The following PBX3 variants were observed in gnomAD, a reference collection of about 807,000 sequenced individuals.
The protein encoded by PBX3 is pre-B-cell leukemia transcription factor 3.
In PBX3, 14 loss-of-function variants were observed where a neutral mutation model predicts 48.5. That is an observed-to-expected ratio of 0.29 (90% CI 0.19 to 0.45). The LOEUF (loss-of-function observed/expected upper bound fraction) is 0.45, where lower values mean the gene tolerates loss of function less well. PBX3 is among the 20% of genes least tolerant of loss of function. The pLI, the probability that PBX3 is intolerant of heterozygous loss-of-function variation, is 1.00. For synonymous variants in PBX3, 210 were observed against 200.3 expected (o/e 1.05, Z -0.41); for missense variants, 386 against 546.7 (o/e 0.71, Z 2.93).
intron 2 of PBX3, among the ~76,000 whole-genome samples, chr9:125,912,288 G>A (rs1031211805): frequency 1.3e-5 from 2 of 152,090 alleles, no homozygotes; most frequent in Admixed American, 6.5e-5. Flanking sequence ...AAACAGCCCC[G>A]TAATCATACC....
Position 125,759,807 on chromosome 9 carries a change from T to C in PBX3, c.274+11184T>C, listed in dbSNP as rs1439603078. ...CTCCAGCAATATTTTAGCAGGTTAA[T>C]TGCAAAATTTCTAAATTGTACATCT... is the stretch of plus-strand genomic sequence containing the variant. On this transcript the variant is annotated intron_variant, in intron 2 of 8. Coordinates refer to ENST00000373489, the MANE Select transcript of PBX3 (RefSeq NM_006195.6). The surrounding 1 kb of genome is among the most constrained non-coding windows in gnomAD (Gnocchi z 4.2). Among the ~76,000 whole-genome samples, 2 of 152,214 alleles carry C rather than the reference T, an allele frequency of 1.3e-5. No individual in the cohort carries two copies. The highest frequency in any genetic ancestry group is 2.9e-5 in the Non-Finnish European group (2 of 68,030).
intron 2 of PBX3, among the ~76,000 whole-genome samples, chr9:125,781,374 G>C (rs1434666027): frequency 6.6e-6 from 1 of 151,832 alleles, no homozygotes; most frequent in Non-Finnish European, 1.5e-5. Flanking sequence ...ACGAAAACCA[G>C]TCAGGCGTGG....
At chr9:125,767,182 C>T (rs757672076) in intron 2 of PBX3, among the ~76,000 whole-genome samples, 2 of 152,108 alleles carry the variant, frequency 1.3e-5, no homozygotes, top group African/African-American at 2.4e-5. Context: ...AATGGAAAGC[C>T]ATTGGAAGTA....
intron 2 of PBX3, among the ~76,000 whole-genome samples, chr9:125,837,065 A>G (rs1164817607): frequency 1.3e-5 from 2 of 152,200 alleles, no homozygotes; most frequent in African/African-American, 4.8e-5. Flanking sequence ...TGTAAGAAAT[A>G]TATGTGTTCA....
chr9:125,843,121 C>T (rs1839331243), intron 2 of PBX3, among the ~76,000 whole-genome samples: 1 of 151,988 alleles, frequency 6.6e-6, no homozygotes, highest in African/African-American at 2.4e-5. Flanking sequence ...ATACAGGTCT[C>T]CCTAAAATAT....
intron 5 of PBX3, among the ~76,000 whole-genome samples, chr9:125,954,158 T>C (rs1343774891): frequency 6.6e-6 from 1 of 152,196 alleles, no homozygotes; most frequent in African/African-American, 2.4e-5. Context: ...TTATGAAATA[T>C]TGGTGATAAC....
intron 2 of PBX3, among the ~76,000 whole-genome samples, chr9:125,836,059 A>C (rs1004127015): frequency 6.6e-6 from 1 of 152,248 alleles, no homozygotes; most frequent in Non-Finnish European, 1.5e-5. Context: ...TTGTAACAAC[A>C]TGGATGGAAC....
chr9:125,748,291 G>C, intron 1 of PBX3: 2 of 1,103,506 alleles, frequency 1.8e-6, no homozygotes, highest in Non-Finnish European at 2.2e-6. Flanking sequence ...CCCCGCGCGG[G>C]TTCGCGTCGC....
chr9:125,833,501 A>C (rs986762940), intron 2 of PBX3, among the ~76,000 whole-genome samples: 1 of 151,932 alleles, frequency 6.6e-6, no homozygotes, highest in Non-Finnish European at 1.5e-5. Flanking sequence ...AAAAAAAAAA[A>C]TTGTTTTATT....
At chr9:125,776,650 C>G (rs1253300106) in intron 2 of PBX3, among the ~76,000 whole-genome samples, 1 of 152,162 alleles carries the variant, frequency 6.6e-6, no homozygotes, top group East Asian at 1.9e-4. Context: ...GTTCTCCCAC[C>G]TCAGCTTCCC....
intron 2 of PBX3, among the ~76,000 whole-genome samples, chr9:125,873,637 C>G (rs1456355705): frequency 6.6e-6 from 1 of 152,056 alleles, no homozygotes; most frequent in African/African-American, 2.4e-5. Flanking sequence ...AATTCTTTAA[C>G]TGATTAAAAA....
intron 3 of PBX3, among the ~76,000 whole-genome samples, chr9:125,918,070 T>A (rs932706345): frequency 6.6e-6 from 1 of 152,180 alleles, no homozygotes; most frequent in Non-Finnish European, 1.5e-5. Flanking sequence ...CTAAAATAAC[T>A]ATAACTACTT....
chr9:125,920,499 A>G (rs1337713869), intron 3 of PBX3, among the ~76,000 whole-genome samples: 1 of 152,168 alleles, frequency 6.6e-6, no homozygotes, highest in Non-Finnish European at 1.5e-5. Context: ...TGACTTCAAC[A>G]TTTGTTCTCA....
intron 2 of PBX3, among the ~76,000 whole-genome samples, chr9:125,773,301 C>T (rs1419844352): frequency 2.0e-5 from 3 of 152,152 alleles, no homozygotes; most frequent in Admixed American, 6.5e-5. Context: ...TGTGTCCCTT[C>T]GTTCACTTGG....
intron 2 of PBX3, among the ~76,000 whole-genome samples, chr9:125,794,519 A>G (rs1486666633): frequency 6.6e-6 from 1 of 152,124 alleles, no homozygotes; most frequent in Non-Finnish European, 1.5e-5. Flanking sequence ...ATGATGCCCT[A>G]TATGGTACCA....
At chr9:125,938,830 A>G (rs1841895262) in intron 5 of PBX3, among the ~76,000 whole-genome samples, 2 of 152,212 alleles carry the variant, frequency 1.3e-5, no homozygotes, top group Admixed American at 1.3e-4. Flanking sequence ...ATTTACTGAA[A>G]TAAATTGTAA....
intron 5 of PBX3, among the ~76,000 whole-genome samples, chr9:125,944,083 T>C (rs1488034038): frequency 6.6e-6 from 1 of 152,148 alleles, no homozygotes; most frequent in Non-Finnish European, 1.5e-5. Context: ...AGATAGACAA[T>C]GTAGTCCAAA....
At chr9:125,853,987 C>T (rs896628389) in intron 2 of PBX3, among the ~76,000 whole-genome samples, 2 of 134,528 alleles carry the variant, frequency 1.5e-5, no homozygotes, top group Non-Finnish European at 3.0e-5. Context: ...CTGCTGTATA[C>T]ACACACACAC....
Position 125,940,697 on chromosome 9 carries a change from T to C in PBX3, c.843+5090T>C, listed in dbSNP as rs1428756854. Among the ~76,000 whole-genome samples the C allele has an allele frequency of 6.6e-5, 10 of 152,230 alleles. No individual in the cohort carries two copies. The East Asian group carries it at 1.3e-3, about 21-fold the overall frequency. On this transcript the variant is annotated intron_variant, in intron 5 of 8. Transcript: ENST00000373489. The stretch of plus-strand genomic sequence containing the variant: ...TGAATGAACTATAACTATATGTAAC[T>C]ACATAATGCTAAGTAAAAGAAGTGC...
Sources: gnomAD v4.1 joint callset for allele counts (sites outside exome capture counted in the v4.1 genomes callset) on GRCh38, gnomAD v4.1.1 for gene constraint, Gnocchi (gnomAD v3.1) non-coding constraint, MANE v1.5 for transcripts, NCBI Gene and HGNC (gene_info 2026-07-23, HGNC 2026-07-21) for gene names.